NUP155: variants seen among roughly 807,000 people sequenced by gnomAD.
The protein encoded by NUP155 is nucleoporin 155.
Under a neutral mutation model 180.4 loss-of-function variants are expected in NUP155, and 71 were observed. That is an observed-to-expected ratio of 0.39 (90% CI 0.33 to 0.48). NUP155 has a LOEUF of 0.48. Among genes scored for constraint, NUP155 ranks in the 20% least tolerant of loss-of-function variants. The probability of loss-of-function intolerance (pLI) is 0.91; values close to 1 mark genes in which losing one functional copy is unlikely to be tolerated. For missense variants in NUP155, 1,553 were observed against 1,648.9 expected (o/e 0.94, Z 1.01); for synonymous variants, 582 against 559.5 (o/e 1.04, Z -0.57).
rs1041873580 is a variant in NUP155 at position 37,314,140 on chromosome 5, T to C, written c.2436+58A>G. On this transcript the variant is annotated intron_variant, in intron 22 of 34. Transcript: ENST00000231498. ...ATCCCCTCCAAAGCCAAAATACTCA[T>C]CCAAAAAATCCAAACATAGTATTAA... is the stretch of plus-strand genomic sequence containing the variant. The C allele has an allele frequency of 1.1e-5, 14 of 1,273,386 alleles. No individual in the cohort carries two copies. The Admixed American group carries it at 2.5e-4, about 23-fold the overall frequency. The allele number at this position is 1,273,386 out of a possible 1,614,324, so 78.9% of individuals were successfully genotyped here.
chr5:37,344,002 T>C (rs1432453007), intron 9 of NUP155, among the ~76,000 whole-genome samples: 1 of 152,172 alleles, frequency 6.6e-6, no homozygotes, highest in South Asian at 2.1e-4. Context: ...TCTCTTGATA[T>C]AATGTAGTAA....
At chr5:37,314,151 C>G (rs1444277500) in intron 22 of NUP155, 47 bp downstream of exon 22, 1 of 1,401,686 alleles carries the variant, frequency 7.1e-7, no homozygotes, top group Non-Finnish European at 9.9e-7. Context: ...CCAAAAAATC[C>G]AAACATAGTA....
chr5:37,331,254 A>G (rs1033738707), intron 14 of NUP155, among the ~76,000 whole-genome samples: 5 of 152,106 alleles, frequency 3.3e-5, no homozygotes, highest in Admixed American at 6.5e-5. Flanking sequence ...ACAGTGACTT[A>G]GGCAAAGAAA....
chr5:37,306,936 G>A (rs1743187844), intron 25 of NUP155, among the ~76,000 whole-genome samples: 1 of 151,900 alleles, frequency 6.6e-6, no homozygotes, highest in Non-Finnish European at 1.5e-5. Context: ...GGTGGCTGAT[G>A]GCTATAATCC....
In NUP155 at chr5:37,314,272, A is replaced by T; in HGVS notation, c.2362T>A (p.Ser788Thr). The change falls in exon 22 of 35, where the codon TCA (serine) becomes ACA (threonine). Residue 788 changes from serine to threonine, a missense_variant. By Grantham distance (58) the Ser-to-Thr change is moderately conservative (BLOSUM62 1). Transcript: ENST00000231498. ...TTCCATAAAGCCAGAGCCTGATATG[A>T]TTTTCGAACCAACTGCTGAATTGCC... is the stretch of plus-strand genomic sequence containing the variant. ...LQAIQQLVRKSYQALALWKLL... is the reference protein window; with the variant it reads ...LQAIQQLVRKTYQALALWKLL... 1 of 1,610,604 alleles carries T rather than the reference A, an allele frequency of 6.2e-7. No homozygotes were observed. Among genetic ancestry groups the T allele is most frequent in the Non-Finnish European group, 8.5e-7 (1 of 1,177,030 alleles).
intron 30 of NUP155, 66 bp downstream of exon 30, chr5:37,301,371 A>C: frequency 9.2e-7 from 1 of 1,091,544 alleles, no homozygotes; most frequent in Non-Finnish European, 1.4e-6. Flanking sequence ...CAAAAAGCAA[A>C]ATAAAAAACA....
Position 37,329,348 on chromosome 5 carries a change from C to T in NUP155, c.1725-70G>A. 3 of 1,227,606 alleles carry T rather than the reference C, an allele frequency of 2.4e-6. No individual in the cohort carries two copies. The South Asian group carries it at 3.7e-5, about 15-fold the overall frequency. The allele number at this position is 1,227,606 out of a possible 1,614,324, so 76.0% of individuals were successfully genotyped here. On this transcript the variant is annotated intron_variant, in intron 15 of 34. Coordinates refer to ENST00000231498, the MANE Select transcript of NUP155 (RefSeq NM_153485.3). ...ATCCATCTTAAAAACTGGAATTGTTCCTTTTCCTGTTTAGCTTCCAAGTAA... is the reference window on the plus strand; with the variant it reads ...ATCCATCTTAAAAACTGGAATTGTTTCTTTTCCTGTTTAGCTTCCAAGTAA...
intron 6 of NUP155, 39 bp downstream of exon 6, chr5:37,351,151 C>T (rs903491923): frequency 6.5e-7 from 1 of 1,539,876 alleles, no homozygotes; most frequent in African/African-American, 1.4e-5. Flanking sequence ...CCTACTCCAT[C>T]AAGAGAGAAA....
chr5:37,288,771 A>AAAGGGGGGGGGGGG lies in NUP155; in HGVS notation c.*3128_*3129insCCCCCCCCCCCCTT, dbSNP rs1742120861. ...TTAAAAAAAAAAAAAAAAAAAAAGT[A>AAAGGGGGGGGGGGG]GGGGGGGTGGGGCTAGGCGCAGTGG... is the stretch of plus-strand genomic sequence containing the variant. On this transcript the variant is annotated 3_prime_UTR_variant, in exon 35 of 35. Transcript: ENST00000231498. The AAAGGGGGGGGGGGG allele has an allele frequency of 1.7e-5, 1 of 57,650 alleles. No homozygotes were observed. The highest frequency in any genetic ancestry group is 3.5e-5 in the Non-Finnish European group (1 of 28,614). The allele number at this position is 57,650 out of a possible 1,614,324, so 3.6% of individuals were successfully genotyped here.
At chr5:37,367,677 C>A (rs1025299660) in intron 1 of NUP155, among the ~76,000 whole-genome samples, 6 of 150,950 alleles carry the variant, frequency 4.0e-5, no homozygotes, top group Non-Finnish European at 7.4e-5. Context: ...GGACTATAGG[C>A]GCCCGCCACC....
At chr5:37,295,528 C>T (rs1742490955) in intron 32 of NUP155, among the ~76,000 whole-genome samples, 2 of 150,856 alleles carry the variant, frequency 1.3e-5, no homozygotes, top group South Asian at 2.1e-4. Flanking sequence ...ATGTGAGGAG[C>T]CCCTCTGCCT....
Position 37,314,223 on chromosome 5 carries a change from G to A in NUP155, c.2411C>T (p.Thr804Ile). The change falls in exon 22 of 35, where the codon ACT (threonine) becomes ATT (isoleucine). Residue 804 changes from threonine (T) to isoleucine (I), a missense_variant. Transcript: ENST00000231498. ...CTTCTGAAGTTCTGCCACAATGATA[G>A]TGAATTGATGTTCACAAAGAAGTTT... ...LWKLLCEHQF[T>I]IIVAELQKEL... 1 of 1,609,204 alleles carries A rather than the reference G, an allele frequency of 6.2e-7. No individual in the cohort carries two copies. Among genetic ancestry groups the A allele is most frequent in the South Asian group, 1.1e-5 (1 of 90,456 alleles).
At position 37,348,534 on chromosome 5, in the gene NUP155, G is replaced by A. The variant is rs1006032600; in HGVS notation, c.966C>T (p.Ala322=). The A allele has an allele frequency of 6.2e-7, 1 of 1,611,364 alleles. No homozygotes were observed. Among genetic ancestry groups the A allele is most frequent in the Non-Finnish European group, 8.5e-7 (1 of 1,177,536 alleles). ...CAATGTTACCAGCAGCAGAGACAAT[G>A]GCATTCTGTGACACAGAGGCAACTC... is the stretch of plus-strand genomic sequence containing the variant. The part of the protein sequence containing the change: ...MSRVASVSQN[A]IVSAAGNIAR... Residue 322 remains alanine, a synonymous_variant, in exon 9 of 35, where the codon GCC becomes GCT. Coordinates refer to ENST00000231498, the MANE Select transcript of NUP155 (RefSeq NM_153485.3).
intron 5 of NUP155, among the ~76,000 whole-genome samples, chr5:37,352,161 G>A (rs1746506955): frequency 6.6e-6 from 1 of 152,102 alleles, no homozygotes. Flanking sequence ...TTCAAGAACA[G>A]CCTGGCCAAC....
At chr5:37,312,644 A>G (rs1033639375) in intron 22 of NUP155, among the ~76,000 whole-genome samples, 1 of 152,196 alleles carries the variant, frequency 6.6e-6, no homozygotes, top group African/African-American at 2.4e-5. Context: ...CCTAGGAGAT[A>G]CGGTGAAACC....
intron 14 of NUP155, among the ~76,000 whole-genome samples, chr5:37,330,522 T>C (rs1219898098): frequency 6.6e-6 from 1 of 152,162 alleles, no homozygotes; most frequent in South Asian, 2.1e-4. Flanking sequence ...CCTATTATAA[T>C]GTATAAGGAA....
intron 18 of NUP155, 37 bp downstream of exon 18, chr5:37,327,592 A>G (rs898114879): frequency 7.5e-6 from 12 of 1,610,710 alleles, no homozygotes; most frequent in Non-Finnish European, 8.5e-6. Context: ...AGATGGGACA[A>G]GGTGAGCAAT....
intron 6 of NUP155, 97 bp from the exon 7 acceptor site, chr5:37,350,362 T>G (rs566534041): frequency 2.5e-6 from 2 of 786,058 alleles, no homozygotes; most frequent in African/African-American, 1.7e-5. Context: ...CAAATCTTCA[T>G]GAAATACCAG....
intron 28 of NUP155, 51 bp from the exon 29 acceptor site, chr5:37,302,959 G>C (rs1406213851): frequency 1.2e-5 from 19 of 1,587,192 alleles, no homozygotes; most frequent in Non-Finnish European, 1.6e-5. Context: ...AAGGATTGAT[G>C]ATACAAATAC....
Sources: gnomAD v4.1 joint callset for allele counts (sites outside exome capture counted in the v4.1 genomes callset) on GRCh38, gnomAD v4.1.1 for gene constraint, MANE v1.5 for transcripts, NCBI Gene and HGNC (gene_info 2026-07-23, HGNC 2026-07-21) for gene names.